The following MAP2K6 variants were observed in gnomAD, a reference collection of about 807,000 sequenced individuals.
MAP2K6 encodes the protein mitogen-activated protein kinase kinase 6.
MAP2K6 carries 16 observed loss-of-function variants against 53.7 expected under a neutral mutation model. The observed-to-expected ratio is 0.30, with a 90% confidence interval of 0.20 to 0.45. The LOEUF is 0.45. MAP2K6 is among the 20% of genes least tolerant of loss of function. The pLI, the probability that MAP2K6 is intolerant of heterozygous loss-of-function variation, is 1.00. For missense variants in MAP2K6, 204 were observed against 411.9 expected, an observed-to-expected ratio of 0.50 and a Z score of 4.37; for synonymous variants, 132 against 143.1, an observed-to-expected ratio of 0.92 and a Z score of 0.55.
intron 2 of MAP2K6, among the ~76,000 whole-genome samples, chr17:69,512,572 C>T (rs970094829): frequency 7.9e-5 from 12 of 151,884 alleles, no homozygotes; most frequent in East Asian, 3.9e-4. Flanking sequence ...CTCCTGATGT[C>T]GTGATCCACC....
intron 1 of MAP2K6, among the ~76,000 whole-genome samples, chr17:69,417,602 C>T (rs1202177996): frequency 2.0e-5 from 3 of 152,148 alleles, no homozygotes; most frequent in Admixed American, 1.3e-4. Context: ...GTTGAGTTGA[C>T]ATTTTTCAAA....
At chr17:69,464,953 A>T (rs977716308) in intron 1 of MAP2K6, among the ~76,000 whole-genome samples, 1 of 151,994 alleles carries the variant, frequency 6.6e-6, no homozygotes, top group African/African-American at 2.4e-5. Context: ...TGACCTTGTG[A>T]TCCCTCCGCC....
At position 69,541,765 on chromosome 17, in the gene MAP2K6, C is replaced by G; in HGVS notation, c.*12C>G. 6.2e-7 allele frequency: 1 copy of G among 1,607,588 alleles called. No homozygotes were observed. The highest frequency in any genetic ancestry group is 2.2e-5 in the East Asian group (1 of 44,704). ...TTCTTGGAGACTAAAAAGCAGTGGA[C>G]TTAATCGGTTGACCCTACTGTGGAT... is the stretch of plus-strand genomic sequence containing the variant. On this transcript the variant is annotated 3_prime_UTR_variant, in exon 12 of 12. Transcript: ENST00000590474.
intron 1 of MAP2K6, among the ~76,000 whole-genome samples, chr17:69,427,373 T>G (rs1420503311): frequency 6.6e-6 from 1 of 152,022 alleles, no homozygotes; most frequent in Non-Finnish European, 1.5e-5. Context: ...TTTTCTATTT[T>G]TAATTTCAGA....
chr17:69,522,920 G>T (rs570089021), intron 7 of MAP2K6, among the ~76,000 whole-genome samples: 4 of 151,646 alleles, frequency 2.6e-5, no homozygotes, highest in Admixed American at 1.3e-4. Context: ...AGTTAGCTGG[G>T]CATGGTGGTT....
At chr17:69,532,453 G>T (rs1339527669) in intron 10 of MAP2K6, among the ~76,000 whole-genome samples, 8 of 152,132 alleles carry the variant, frequency 5.3e-5, no homozygotes, top group Non-Finnish European at 1.5e-5. Context: ...AAGGAATTAG[G>T]GCAGTTAGCT....
intron 1 of MAP2K6, among the ~76,000 whole-genome samples, chr17:69,460,927 A>G (rs1307135012): frequency 6.6e-6 from 1 of 152,132 alleles, no homozygotes; most frequent in African/African-American, 2.4e-5. Flanking sequence ...AGTGACATAG[A>G]GTGGTAGAAA....
chr17:69,483,770 C>A (rs542492168), intron 1 of MAP2K6, among the ~76,000 whole-genome samples: 4 of 152,098 alleles, frequency 2.6e-5, no homozygotes, highest in African/African-American at 7.2e-5. Context: ...GGAATAGAAT[C>A]GAAAGTCCAT....
At chr17:69,453,563 A>T (rs369147509) in intron 1 of MAP2K6, among the ~76,000 whole-genome samples, 83 of 152,270 alleles carry the variant, frequency 5.5e-4, no homozygotes, top group African/African-American at 1.9e-3. Context: ...TCTCCTGCTC[A>T]CCTCTCTCCT....
At chr17:69,418,098 T>G (rs1044642884) in intron 1 of MAP2K6, among the ~76,000 whole-genome samples, 3 of 152,174 alleles carry the variant, frequency 2.0e-5, no homozygotes, top group Admixed American at 2.0e-4. Context: ...TAAATTCCTT[T>G]GTTAGGTTGT....
intron 2 of MAP2K6, 78 bp from the exon 3 acceptor site, chr17:69,516,777 C>T: frequency 3.0e-6 from 3 of 1,005,678 alleles, no homozygotes; most frequent in South Asian, 1.5e-5. Context: ...AAAAAATATC[C>T]TCAGTGGTGT....
At chr17:69,420,768 T>A (rs1248050781) in intron 1 of MAP2K6, among the ~76,000 whole-genome samples, 1 of 152,220 alleles carries the variant, frequency 6.6e-6, no homozygotes, top group African/African-American at 2.4e-5. Flanking sequence ...TTAGTATATT[T>A]CACATTTTTA....
chr17:69,458,177 C>G (rs151163268), intron 1 of MAP2K6, among the ~76,000 whole-genome samples: 1 of 152,230 alleles, frequency 6.6e-6, no homozygotes, highest in Non-Finnish European at 1.5e-5. Flanking sequence ...CCTGAGCCTC[C>G]CAAGTAGCTG....
chr17:69,418,021 G>A (rs1486239026), intron 1 of MAP2K6, among the ~76,000 whole-genome samples: 1 of 152,184 alleles, frequency 6.6e-6, no homozygotes, highest in Non-Finnish European at 1.5e-5. Flanking sequence ...TAACTCTACT[G>A]GGGTTCTTTG....
chr17:69,524,917 C>A lies in MAP2K6; in HGVS notation c.680C>A (p.Pro227Gln). 6.2e-7 allele frequency: 1 copy of A among 1,612,948 alleles called. No individual in the cohort carries two copies. Among genetic ancestry groups the A allele is most frequent in the Non-Finnish European group, 8.5e-7 (1 of 1,179,188 alleles). The part of the protein sequence containing the change: ...KPYMAPERIN[P>Q]ELNQKGYSVK... ...TCTTTCCAGCCTGAAAGAATAAACC[C>A]AGAGCTCAACCAGAAGGGATACAGT... The change falls in exon 9 of 12, where the codon CCA (proline) becomes CAA (glutamine). Residue 227 changes from proline (P) to glutamine (Q), a missense_variant. This residue lies in a region of MAP2K6 where 28 missense variants were observed against 102.5 expected (regional missense o/e 0.27). Transcript: ENST00000590474.
At chr17:69,478,184 A>C (rs535228632) in intron 1 of MAP2K6, among the ~76,000 whole-genome samples, 1 of 152,324 alleles carries the variant, frequency 6.6e-6, no homozygotes, top group East Asian at 1.9e-4. Context: ...TTTGAATTAT[A>C]CTTGGTAGGC....
chr17:69,485,047 TTGA>T (rs1326341395), intron 1 of MAP2K6, among the ~76,000 whole-genome samples: 1 of 152,158 alleles, frequency 6.6e-6, no homozygotes, highest in Non-Finnish European at 1.5e-5. Flanking sequence ...CTAAAAGCCA[TTGA>T]ATTGTACAAT....
chr17:69,527,961 CA>C lies in MAP2K6; in HGVS notation c.881+1258del, dbSNP rs200075737. ...TGAAAACCTGACTCTACTAAAAATACAAAAAATTAACTGGGCATGGTGGTGG... is the reference window on the plus strand; with the variant it reads ...TGAAAACCTGACTCTACTAAAAATACAAAAATTAACTGGGCATGGTGGTGG... On this transcript the variant is annotated intron_variant, in intron 10 of 11. Transcript: ENST00000590474. 7.0e-3 allele frequency among the ~76,000 whole-genome samples: 1,063 copies of C among 151,962 alleles called. 13 individuals are homozygous for C. The highest frequency in any genetic ancestry group is 0.024 in the African/African-American group (1,014 of 41,416).
intron 1 of MAP2K6, among the ~76,000 whole-genome samples, chr17:69,426,278 G>A (rs1430776918): frequency 1.3e-5 from 2 of 152,182 alleles, no homozygotes; most frequent in Non-Finnish European, 1.5e-5. Flanking sequence ...TAGCCATGTG[G>A]CCTTGGAAAA....
Sources: gnomAD v4.1 joint callset for allele counts (sites outside exome capture counted in the v4.1 genomes callset) on GRCh38, gnomAD v4.1.1 for gene constraint, gnomAD v4.1.1 regional missense constraint, MANE v1.5 for transcripts, NCBI Gene and HGNC (gene_info 2026-07-23, HGNC 2026-07-21) for gene names.